Variants in HS1BP3 observed in about 807,000 individuals in gnomAD.
HS1BP3 encodes HCLS1 binding protein 3, also known as HCLS1-binding protein 3.
In HS1BP3, 32 loss-of-function variants were observed where a neutral mutation model predicts 33.5. That is an observed-to-expected ratio of 0.95 (90% confidence interval 0.72 to 1.28). The LOEUF is 1.28. HS1BP3 is among the 50% of genes most tolerant of loss of function. HS1BP3 has a pLI of 0.00. For missense variants in HS1BP3, 486 were observed against 502.3 expected (o/e 0.97, Z 0.31); for synonymous variants, 187 against 209.2 (o/e 0.89, Z 0.92).
chr2:20,556,965 C>T (rs1450572036), downstream of HS1BP3, among the ~76,000 whole-genome samples: 1 of 152,242 alleles, frequency 6.6e-6, no homozygotes, highest in African/African-American at 2.4e-5. Context: ...CAGGGCACCA[C>T]ACTGCGCTAA....
intron 2 of HS1BP3, among the ~76,000 whole-genome samples, chr2:20,644,237 T>C (rs775335905): frequency 1.3e-5 from 2 of 152,130 alleles, no homozygotes; most frequent in Non-Finnish European, 2.9e-5. Context: ...CTCCCTTAGC[T>C]CCTCTGACTC....
At chr2:20,575,770 C>A (rs964361320) in intron 5 of HS1BP3, among the ~76,000 whole-genome samples, 11 of 150,972 alleles carry the variant, frequency 7.3e-5, no homozygotes, top group South Asian at 2.1e-4. Flanking sequence ...ACCCCCCCCC[C>A]CCCCTTCAGG....
At chr2:20,570,430 G>A (rs1218085096) in intron 5 of HS1BP3, among the ~76,000 whole-genome samples, 1 of 152,134 alleles carries the variant, frequency 6.6e-6, no homozygotes, top group Non-Finnish European at 1.5e-5. Context: ...TGAGCCCTAG[G>A]GCCACTGTCA....
chr2:20,627,210 G>T (rs1694814263), intron 4 of HS1BP3, among the ~76,000 whole-genome samples: 1 of 152,232 alleles, frequency 6.6e-6, no homozygotes, highest in African/African-American at 2.4e-5. Context: ...TACCCAGGTG[G>T]CAGCTCTCAG....
intron 4 of HS1BP3, 163 bp downstream of exon 4, chr2:20,638,273 G>C (rs1457334069): frequency 7.7e-6 from 5 of 650,424 alleles, no homozygotes; most frequent in Non-Finnish European, 1.1e-5. Context: ...CACGCAGAGA[G>C]CTACTTCCCC....
At chr2:20,625,744 G>A (rs1387996468) in intron 4 of HS1BP3, among the ~76,000 whole-genome samples, 1 of 152,200 alleles carries the variant, frequency 6.6e-6, no homozygotes, top group Non-Finnish European at 1.5e-5. Context: ...AAGAAACCAG[G>A]ACGGGGCAGG....
At chr2:20,567,562 C>T (rs568142269) in intron 5 of HS1BP3, among the ~76,000 whole-genome samples, 7 of 152,236 alleles carry the variant, frequency 4.6e-5, no homozygotes, top group African/African-American at 1.4e-4. Context: ...ATCAGCCAGA[C>T]ACTTCCTCAC....
intron 2 of HS1BP3, among the ~76,000 whole-genome samples, chr2:20,645,129 C>T (rs1695476643): frequency 6.6e-6 from 1 of 152,226 alleles, no homozygotes; most frequent in Admixed American, 6.5e-5. Context: ...CTGTATCTGT[C>T]TCTTTAGAGG....
Position 20,623,983 on chromosome 2 carries a change from C to G in HS1BP3, c.833G>C (p.Gly278Ala), listed in dbSNP as rs1331013707. 10 of 1,612,166 alleles carry G rather than the reference C, an allele frequency of 6.2e-6. No individual in the cohort carries two copies. Among genetic ancestry groups the G allele is most frequent in the Admixed American group, 5.0e-5 (3 of 59,964 alleles). ...DPDLGGAIPLGDSLLLPAACE... is the reference protein window; with the variant it reads ...DPDLGGAIPLADSLLLPAACE... ...GGCGGCTGGCAGCAGGAGGGAGTCA[C>G]CCAGGGGGATGGCCCCGCCGAGGTC... Residue 278 changes from glycine to alanine, a missense_variant, in exon 6 of 7, where the codon GGT (glycine) becomes GCT (alanine). By Grantham distance (60) the Gly-to-Ala change is moderately conservative. Coordinates refer to ENST00000304031, the MANE Select transcript of HS1BP3 (RefSeq NM_022460.4).
At position 20,618,790 on chromosome 2, in the gene HS1BP3, C is replaced by G; in HGVS notation, c.*197G>C. 1.4e-6 allele frequency: 2 copies of G among 1,400,348 alleles called. No homozygotes were observed. The highest frequency in any genetic ancestry group is 1.8e-6 in the Non-Finnish European group (2 of 1,082,674). 86.7% of individuals were successfully genotyped at this position (1,400,348 alleles called of 1,614,324 possible). A position where few individuals can be genotyped will look rare whatever the true frequency, so the allele number is the denominator to read the frequency against. On this transcript the variant is annotated 3_prime_UTR_variant, in exon 7 of 7. Coordinates refer to ENST00000304031, the MANE Select transcript of HS1BP3 (RefSeq NM_022460.4). ...TGGCTCCTAGGGTGAGAGCCGCTCCCGCAGCCCGCAGGCTTCTACTTTGGC... is the reference window on the plus strand; with the variant it reads ...TGGCTCCTAGGGTGAGAGCCGCTCCGGCAGCCCGCAGGCTTCTACTTTGGC...
intron 4 of HS1BP3, chr2:20,634,606 G>A (rs1029169470): frequency 6.6e-6 from 1 of 152,214 alleles, no homozygotes; most frequent in African/African-American, 2.4e-5. Flanking sequence ...TCCCCTCCAC[G>A]GCTCACCTTA....
rs1694486946 is a variant in HS1BP3 at position 20,618,462 on chromosome 2, CCCA to C, written c.*522_*524del. The C allele has an allele frequency of 6.4e-6, 1 of 156,056 alleles. No homozygotes were observed. The highest frequency in any genetic ancestry group is 1.4e-5 in the Non-Finnish European group (1 of 71,222). The allele number at this position is 156,056 out of a possible 1,614,324, so 9.7% of individuals were successfully genotyped here. A position where few individuals can be genotyped will look rare whatever the true frequency, so the allele number is the denominator to read the frequency against. ...TGGAGTAATTTGGCTTGGGGACGTC[CCCA>C]CCCCAGGCCCAGGCCAGTCAGTCAC... is the stretch of plus-strand genomic sequence containing the variant. On this transcript the variant is annotated 3_prime_UTR_variant, in exon 7 of 7. Coordinates refer to ENST00000304031, the MANE Select transcript of HS1BP3 (RefSeq NM_022460.4).
intron 4 of HS1BP3, among the ~76,000 whole-genome samples, chr2:20,627,570 G>T (rs1290423210): frequency 6.6e-6 from 1 of 152,178 alleles, no homozygotes; most frequent in Admixed American, 6.5e-5. Flanking sequence ...TCCTCCAACT[G>T]GATCATGTCC....
chr2:20,642,027 G>A (rs1164190350), intron 2 of HS1BP3, among the ~76,000 whole-genome samples: 1 of 152,168 alleles, frequency 6.6e-6, no homozygotes, highest in African/African-American at 2.4e-5. Context: ...CATCGGCCTG[G>A]CACCTACCCT....
intron 2 of HS1BP3, among the ~76,000 whole-genome samples, chr2:20,602,406 A>T (rs1694090093): frequency 6.6e-6 from 1 of 152,146 alleles, no homozygotes; most frequent in Admixed American, 6.5e-5. Context: ...TCATCGCAAG[A>T]TGCATACTTT....
intron 3 of HS1BP3, among the ~76,000 whole-genome samples, chr2:20,595,801 A>C (rs1378777717): frequency 6.6e-6 from 1 of 152,188 alleles, no homozygotes; most frequent in East Asian, 1.9e-4. Flanking sequence ...GGTGATGGTC[A>C]CGTCCATCCA....
At chr2:20,560,231 T>G (rs1692956551), downstream of HS1BP3, among the ~76,000 whole-genome samples, 1 of 152,224 alleles carries the variant, frequency 6.6e-6, no homozygotes, top group African/African-American at 2.4e-5. Context: ...AGAAGGTACA[T>G]GTCCCAGGGC....
intron 5 of HS1BP3, among the ~76,000 whole-genome samples, chr2:20,584,822 C>T (rs560659659): frequency 6.6e-6 from 1 of 152,260 alleles, no homozygotes; most frequent in Non-Finnish European, 1.5e-5. Flanking sequence ...GGGATGAGGG[C>T]TCTTCTCAAG....
intron 3 of HS1BP3, 53 bp downstream of exon 3, chr2:20,640,920 G>C: frequency 6.4e-7 from 1 of 1,562,032 alleles, no homozygotes; most frequent in African/African-American, 1.4e-5. Flanking sequence ...CGGCAGCGGG[G>C]CCTAGTTCTG....
Sources: gnomAD v4.1 joint callset for allele counts (sites outside exome capture counted in the v4.1 genomes callset) on GRCh38, gnomAD v4.1.1 for gene constraint, MANE v1.5 for transcripts, NCBI Gene and HGNC (gene_info 2026-07-23, HGNC 2026-07-21) for gene names.